The following MAP2K6 variants were observed in gnomAD, a reference collection of about 807,000 sequenced individuals.
The protein encoded by MAP2K6 is dual specificity mitogen-activated protein kinase kinase 6.
A neutral mutation model predicts 53.7 loss-of-function variants in MAP2K6; 16 were observed. That is an observed-to-expected ratio of 0.30 (90% CI 0.20 to 0.45). The LOEUF (loss-of-function observed/expected upper bound fraction) is 0.45. Among genes scored for constraint, MAP2K6 ranks in the 20% least tolerant of loss-of-function variants. The pLI, the probability that MAP2K6 is intolerant of heterozygous loss-of-function variation, is 1.00. For missense variants in MAP2K6, 204 were observed against 411.9 expected, an observed-to-expected ratio of 0.50 and a Z score of 4.37; for synonymous variants, 132 against 143.1, an observed-to-expected ratio of 0.92 and a Z score of 0.55.
intron 1 of MAP2K6, among the ~76,000 whole-genome samples, chr17:69,484,022 T>C (rs182958754): frequency 1.1e-4 from 17 of 152,208 alleles, no homozygotes; most frequent in African/African-American, 4.1e-4. Flanking sequence ...TGTCATAACC[T>C]TGGATTTGTC....
intron 1 of MAP2K6, among the ~76,000 whole-genome samples, chr17:69,475,968 A>G (rs988512701): frequency 2.0e-4 from 30 of 152,198 alleles, no homozygotes; most frequent in African/African-American, 7.2e-4. Context: ...ATGTAGTAGT[A>G]TGGATGAAGC....
At chr17:69,457,270 C>T (rs913253786) in intron 1 of MAP2K6, among the ~76,000 whole-genome samples, 4 of 152,202 alleles carry the variant, frequency 2.6e-5, no homozygotes, top group Admixed American at 1.3e-4. Flanking sequence ...GAAGGACTCC[C>T]ACGCCAGCAC....
chr17:69,435,727 A>G (rs1484801545), intron 1 of MAP2K6, among the ~76,000 whole-genome samples: 1 of 151,480 alleles, frequency 6.6e-6, no homozygotes, highest in African/African-American at 2.4e-5. Flanking sequence ...GCTGGAGTGC[A>G]GTGGCGTGAT....
intron 1 of MAP2K6, chr17:69,477,320 T>C (rs1339094275): frequency 1.1e-4 from 17 of 152,244 alleles, no homozygotes; most frequent in Non-Finnish European, 1.5e-5. Flanking sequence ...CTAATGGGGT[T>C]ATCGTCTCCT....
intron 1 of MAP2K6, among the ~76,000 whole-genome samples, chr17:69,463,585 C>T (rs1049439268): frequency 6.7e-6 from 1 of 148,976 alleles, no homozygotes; most frequent in South Asian, 2.2e-4. Context: ...CTGTCTCAGC[C>T]CCCAGAGTAG....
At chr17:69,427,857 A>G (rs1271128615) in intron 1 of MAP2K6, among the ~76,000 whole-genome samples, 1 of 152,218 alleles carries the variant, frequency 6.6e-6, no homozygotes, top group Non-Finnish European at 1.5e-5. Flanking sequence ...TGCAGATTTA[A>G]TTCTGAAATT....
At chr17:69,426,392 G>A (rs1182141584) in intron 1 of MAP2K6, among the ~76,000 whole-genome samples, 1 of 152,206 alleles carries the variant, frequency 6.6e-6, no homozygotes, top group Admixed American at 6.5e-5. Flanking sequence ...TATGTAACAT[G>A]CTTTGGCCAG....
chr17:69,502,507 A>C (rs1043031165), intron 1 of MAP2K6: 1 of 985,294 alleles, frequency 1.0e-6, no homozygotes, highest in African/African-American at 1.7e-5. Flanking sequence ...CTAACACTGT[A>C]ATTCAACTAG....
chr17:69,503,203 G>A (rs988785323), intron 1 of MAP2K6, among the ~76,000 whole-genome samples: 3 of 152,162 alleles, frequency 2.0e-5, no homozygotes, highest in African/African-American at 7.2e-5. Flanking sequence ...GTAGTTATCT[G>A]TATAGTTATC....
intron 1 of MAP2K6, chr17:69,433,244 CGA>C (rs1206348235): frequency 6.6e-6 from 1 of 152,206 alleles, no homozygotes; most frequent in East Asian, 1.9e-4. Flanking sequence ...CAATTATGAC[CGA>C]GAGAGATTAT....
chr17:69,444,913 T>C (rs1231595978), intron 1 of MAP2K6, among the ~76,000 whole-genome samples: 1 of 152,196 alleles, frequency 6.6e-6, no homozygotes, highest in Non-Finnish European at 1.5e-5. Flanking sequence ...AAGCACATTT[T>C]CTTTTATTTT....
chr17:69,526,564 C>T lies in MAP2K6; in HGVS notation c.742-6C>T, dbSNP rs61759563. 3.2e-4 allele frequency: 514 copies of T among 1,609,080 alleles called. 4 individuals are homozygous for T. The African/African-American group carries it at 6.0e-3, about 19-fold the overall frequency. ...CTGTTGTCTCCTTTTTTCTTCTTTT[C>T]TCCAGATTGAGTTGGCCATCCTTCG... is the stretch of plus-strand genomic sequence containing the variant. On this transcript the variant is annotated splice_polypyrimidine_tract_variant and splice_region_variant and intron_variant, in intron 9 of 11. Transcript: ENST00000590474.
intron 1 of MAP2K6, chr17:69,501,713 G>A (rs375581068): frequency 6.6e-6 from 1 of 152,142 alleles, no homozygotes; most frequent in African/African-American, 2.4e-5. Flanking sequence ...TGCAGACTGT[G>A]CCAATAAGCA....
chr17:69,520,052 T>C (rs1183358684), intron 5 of MAP2K6: 3 of 518,722 alleles, frequency 5.8e-6, no homozygotes, highest in Non-Finnish European at 1.0e-5. Flanking sequence ...GGAGAGCACA[T>C]GCAGGTTCTG....
chr17:69,493,307 TTG>T (rs3216905), intron 1 of MAP2K6, among the ~76,000 whole-genome samples: 15 of 150,422 alleles, frequency 1.0e-4, no homozygotes, highest in African/African-American at 2.7e-4. Context: ...GTGTATGTGT[TTG>T]TGTGTGTGTG....
chr17:69,468,791 A>G (rs1907894833), intron 1 of MAP2K6, among the ~76,000 whole-genome samples: 1 of 152,244 alleles, frequency 6.6e-6, no homozygotes, highest in Non-Finnish European at 1.5e-5. Context: ...ACTAAAAACC[A>G]TGATTTCAGG....
chr17:69,513,269 G>C (rs1909963167), intron 2 of MAP2K6, among the ~76,000 whole-genome samples: 1 of 152,194 alleles, frequency 6.6e-6, no homozygotes. Flanking sequence ...CCTGGGTATT[G>C]GGAGCAAGTT....
chr17:69,451,463 G>A (rs1268233318), intron 1 of MAP2K6, among the ~76,000 whole-genome samples: 1 of 152,222 alleles, frequency 6.6e-6, no homozygotes, highest in African/African-American at 2.4e-5. Context: ...TGGAAAGGTT[G>A]GCAGGGAAGA....
At position 69,526,710 on chromosome 17, in the gene MAP2K6, G is replaced by A; in HGVS notation, c.881+1G>A. 6.2e-7 allele frequency: 1 copy of A among 1,611,560 alleles called. No individual in the cohort carries two copies. The highest frequency in any genetic ancestry group is 8.5e-7 in the Non-Finnish European group (1 of 1,179,696). On this transcript the variant is annotated splice_donor_variant, in intron 10 of 11. Transcript: ENST00000590474. LOFTEE classifies it high-confidence loss of function. ...AGTTTGTTGACTTTACCTCACAGTG[G>A]TAAGACAGCCTCACCTCCCAAGTGT...
Sources: gnomAD v4.1 joint callset for allele counts (sites outside exome capture counted in the v4.1 genomes callset) on GRCh38, gnomAD v4.1.1 for gene constraint, MANE v1.5 for transcripts, NCBI Gene and HGNC (gene_info 2026-07-23, HGNC 2026-07-21) for gene names.